KIF26B: variants seen among roughly 807,000 people sequenced by gnomAD.
The protein encoded by KIF26B is kinesin-like protein KIF26B.
In KIF26B, 63 loss-of-function variants were observed where a neutral mutation model predicts 151.2. That is an observed-to-expected ratio of 0.42 (90% confidence interval 0.34 to 0.51). KIF26B has a LOEUF of 0.51. KIF26B is among the 20% of genes least tolerant of loss of function. The probability of loss-of-function intolerance (pLI) is 0.07; values close to 1 mark genes in which losing one functional copy is unlikely to be tolerated. For missense variants in KIF26B, 2,813 were observed against 2,913.6 expected (o/e 0.97, Z 0.79); for synonymous variants, 1,357 against 1,262.1 (o/e 1.08, Z -1.59).
chr1:245,451,725 G>A (rs1439904277), intron 4 of KIF26B, among the ~76,000 whole-genome samples: 1 of 148,950 alleles, frequency 6.7e-6, no homozygotes, highest in East Asian at 2.0e-4. Context: ...TCAGCCTCCC[G>A]AGTAGCTGGG....
At chr1:245,490,822 C>T (rs1440115526) in intron 4 of KIF26B, among the ~76,000 whole-genome samples, 2 of 152,148 alleles carry the variant, frequency 1.3e-5, no homozygotes, top group African/African-American at 2.4e-5. Flanking sequence ...TACCTGAGAA[C>T]GGTTCTCTGT....
At chr1:245,463,187 C>T (rs976803390) in intron 4 of KIF26B, among the ~76,000 whole-genome samples, 1 of 152,216 alleles carries the variant, frequency 6.6e-6, no homozygotes, top group Non-Finnish European at 1.5e-5. Context: ...CTCCCGGCCG[C>T]CCTTCAGCCG....
At chr1:245,369,067 G>A (rs534331714) in intron 3 of KIF26B, among the ~76,000 whole-genome samples, 33 of 152,276 alleles carry the variant, frequency 2.2e-4, no homozygotes, top group African/African-American at 7.2e-4. Flanking sequence ...GAGCCCAGGA[G>A]GCGGAGGCTG....
intron 10 of KIF26B, among the ~76,000 whole-genome samples, chr1:245,678,528 G>A (rs1436221840): frequency 6.6e-6 from 1 of 152,052 alleles, no homozygotes; most frequent in Non-Finnish European, 1.5e-5. Flanking sequence ...TTCTGTGTGT[G>A]TAGTTTCCAT....
chr1:245,258,584 G>A (rs988633351), intron 2 of KIF26B, among the ~76,000 whole-genome samples: 2 of 152,200 alleles, frequency 1.3e-5, no homozygotes, highest in Admixed American at 6.5e-5. Context: ...TTGTCTTACT[G>A]TGATTAGCAA....
intron 2 of KIF26B, among the ~76,000 whole-genome samples, chr1:245,278,631 G>A (rs1413985482): frequency 6.6e-6 from 1 of 152,082 alleles, no homozygotes. Flanking sequence ...ATTGGTGATG[G>A]GGGTTCCCTA....
intron 12 of KIF26B, 151 bp from the exon 13 acceptor site, chr1:245,697,955 T>C: frequency 1.5e-6 from 1 of 664,912 alleles, no homozygotes; most frequent in Non-Finnish European, 2.5e-6. Context: ...ACAAGAGAAT[T>C]GCTTGAGCCC....
chr1:245,511,271 A>G lies in KIF26B; in HGVS notation c.1167-29496A>G, dbSNP rs1050874112. The G allele has an allele frequency of 9.7e-6, 6 of 619,830 alleles. No individual in the cohort carries two copies. The Admixed American group carries it at 1.7e-4, about 18-fold the overall frequency. The allele number at this position is 619,830 out of a possible 1,614,324, so 38.4% of individuals were successfully genotyped here. On this transcript the variant is annotated intron_variant, in intron 4 of 14. Coordinates refer to ENST00000407071, the MANE Select transcript of KIF26B (RefSeq NM_018012.4). The stretch of plus-strand genomic sequence containing the variant: ...CATTTCAAAGAAGTTAGGAGGGTCC[A>G]GGTTGTGCAAGCTTTCTTCTTGTTC...
chr1:245,394,386 G>T (rs1673771803), intron 3 of KIF26B, among the ~76,000 whole-genome samples: 1 of 152,134 alleles, frequency 6.6e-6, no homozygotes, highest in Non-Finnish European at 1.5e-5. Context: ...ATTTTAGGAG[G>T]CCAAGGCAGG....
intron 2 of KIF26B, among the ~76,000 whole-genome samples, chr1:245,275,640 A>G (rs1291751812): frequency 2.0e-5 from 3 of 152,196 alleles, no homozygotes; most frequent in South Asian, 2.1e-4. Flanking sequence ...AGATGGTTGT[A>G]TACTTTTGTC....
At chr1:245,546,929 T>G (rs1416087229) in intron 5 of KIF26B, among the ~76,000 whole-genome samples, 1 of 152,274 alleles carries the variant, frequency 6.6e-6, no homozygotes, top group Non-Finnish European at 1.5e-5. Flanking sequence ...ATTTCTTATT[T>G]TGAGCCTTCC....
rs1173970288 is a variant in KIF26B at position 245,698,428 on chromosome 1, T to G, written c.6027+120T>G. On this transcript the variant is annotated intron_variant, in intron 13 of 14. Coordinates refer to ENST00000407071, the MANE Select transcript of KIF26B (RefSeq NM_018012.4). This position sits in a 1 kb window ranked among gnomAD's most constrained non-coding sequence, Gnocchi z 4.0. ...AGACCCGGGCTTCCCAGCGGGCTTC[T>G]GGCATGGGTGGTGGGAAGGGGGCTT... 9.2e-6 allele frequency: 8 copies of G among 872,498 alleles called. No individual in the cohort carries two copies. The highest frequency in any genetic ancestry group is 1.4e-5 in the Non-Finnish European group (8 of 573,776). The allele number at this position is 872,498 out of a possible 1,614,324, so 54.0% of individuals were successfully genotyped here. A position where few individuals can be genotyped will look rare whatever the true frequency, so the allele number is the denominator to read the frequency against.
intron 5 of KIF26B, among the ~76,000 whole-genome samples, chr1:245,545,638 T>C (rs1001227405): frequency 6.6e-6 from 1 of 152,226 alleles, no homozygotes. Flanking sequence ...TGAAGTTACA[T>C]AAACAAATTA....
chr1:245,487,307 A>G (rs1311314951), intron 4 of KIF26B, among the ~76,000 whole-genome samples: 1 of 152,198 alleles, frequency 6.6e-6, no homozygotes, highest in Non-Finnish European at 1.5e-5. Context: ...AGGACCAACT[A>G]TATCATTTGC....
chr1:245,297,396 T>C (rs894487169), intron 2 of KIF26B, among the ~76,000 whole-genome samples: 1 of 152,170 alleles, frequency 6.6e-6, no homozygotes, highest in Non-Finnish European at 1.5e-5. Context: ...ATGATGAAAC[T>C]GAAATTCAGA....
intron 11 of KIF26B, among the ~76,000 whole-genome samples, 158 bp from the exon 12 acceptor site, chr1:245,685,247 G>A (rs370970039): frequency 2.4e-4 from 37 of 152,350 alleles, no homozygotes; most frequent in African/African-American, 7.7e-4. Context: ...CCGGGCGCGC[G>A]GGCATGGCAC....
intron 10 of KIF26B, among the ~76,000 whole-genome samples, chr1:245,650,572 G>C (rs1393537004): frequency 1.3e-5 from 2 of 152,212 alleles, no homozygotes; most frequent in African/African-American, 2.4e-5. Flanking sequence ...CTTTGTAGAG[G>C]GCACAGGCCC....
At position 245,685,536 on chromosome 1, in the gene KIF26B, C is replaced by A; in HGVS notation, c.2553C>A (p.Asp851Glu). The A allele has an allele frequency of 6.2e-7, 1 of 1,613,942 alleles. No homozygotes were observed. The change falls in exon 12 of 15, where the codon GAC (aspartate) becomes GAA (glutamate). Residue 851 changes from aspartate (D) to glutamate (E), a missense_variant. Asp to Glu is a conservative substitution (Grantham distance 45). Around this residue, in one of 3 missense-constraint regions of KIF26B, gnomAD observed 2,060 missense variants for 2,088.6 expected, o/e 0.99. Transcript: ENST00000407071. ...PDFPIAHLSS[D>E]PDYSSSSEQS... Reference sequence around the variant, plus strand: ...TCCCCATCGCTCACCTGTCCAGCGACCCCGACTACTCCTCCAGCAGCGAGC... The same window carrying A: ...TCCCCATCGCTCACCTGTCCAGCGAACCCGACTACTCCTCCAGCAGCGAGC...
intron 9 of KIF26B, among the ~76,000 whole-genome samples, chr1:245,644,939 G>A (rs56089547): frequency 0.22 from 33,820 of 151,980 alleles, 4,149 homozygotes; most frequent in East Asian, 0.38. Flanking sequence ...TTCTGGTGAG[G>A]ACTCAGGAAG....
Sources: gnomAD v4.1 joint callset for allele counts (sites outside exome capture counted in the v4.1 genomes callset) on GRCh38, gnomAD v4.1.1 for gene constraint, gnomAD v4.1.1 regional missense constraint, Gnocchi (gnomAD v3.1) non-coding constraint, MANE v1.5 for transcripts, NCBI Gene and HGNC (gene_info 2026-07-23, HGNC 2026-07-21) for gene names.